Variants in ZFPM1 observed in about 807,000 individuals in gnomAD.
ZFPM1 encodes the protein zinc finger protein ZFPM1.
Under a neutral mutation model 46.3 loss-of-function variants are expected in ZFPM1, and 28 were observed. The ratio of observed to expected loss-of-function variants is 0.60; its 90% CI spans 0.45 to 0.83. The LOEUF (loss-of-function observed/expected upper bound fraction) is 0.83, where lower values mean the gene tolerates loss of function less well. Among genes scored for constraint, ZFPM1 ranks in the 40% least tolerant of loss-of-function variants. The probability of loss-of-function intolerance (pLI) is 0.00; values close to 1 mark genes in which losing one functional copy is unlikely to be tolerated. For synonymous variants in ZFPM1, 957 were observed against 675.9 expected, an observed-to-expected ratio of 1.42 and a Z score of -6.45; for missense variants, 1,878 against 1,432.4, an observed-to-expected ratio of 1.31 and a Z score of -5.02.
intron 1 of ZFPM1, among the ~76,000 whole-genome samples, chr16:88,468,254 C>T (rs553495276): frequency 3.3e-5 from 5 of 150,582 alleles, no homozygotes; most frequent in South Asian, 2.1e-4. Context: ...ACCGTCCCGA[C>T]GCACCCGCGA....
chr16:88,512,697 G>A (rs1013982687), intron 3 of ZFPM1, among the ~76,000 whole-genome samples: 1 of 152,196 alleles, frequency 6.6e-6, no homozygotes, highest in African/African-American at 2.4e-5. Context: ...AGGCTCACTT[G>A]ATGGTGGCAC....
At chr16:88,505,126 GC>G (rs1395474780) in intron 3 of ZFPM1, among the ~76,000 whole-genome samples, 2 of 152,240 alleles carry the variant, frequency 1.3e-5, no homozygotes, top group Non-Finnish European at 2.9e-5. Context: ...GCGGGGCGAG[GC>G]TGGGGGCTGC....
At chr16:88,458,247 C>T (rs1273372506) in intron 1 of ZFPM1, among the ~76,000 whole-genome samples, 1 of 152,228 alleles carries the variant, frequency 6.6e-6, no homozygotes, top group African/African-American at 2.4e-5. Flanking sequence ...CTCTCTCAGC[C>T]TCAGTCTCCA....
At chr16:88,501,555 G>A (rs1432072158) in intron 3 of ZFPM1, among the ~76,000 whole-genome samples, 9 of 144,390 alleles carry the variant, frequency 6.2e-5, no homozygotes, top group Non-Finnish European at 1.1e-4. Context: ...TCCCGCAGGT[G>A]CTGGTGATGA....
chr16:88,502,216 G>C (rs1315684036), intron 3 of ZFPM1, among the ~76,000 whole-genome samples: 1 of 152,108 alleles, frequency 6.6e-6, no homozygotes. Context: ...ATGGGACAAA[G>C]GGGCCGCCAT....
chr16:88,526,018 G>C (rs892845362), intron 4 of ZFPM1, among the ~76,000 whole-genome samples: 2 of 152,240 alleles, frequency 1.3e-5, no homozygotes, highest in African/African-American at 4.8e-5. Context: ...CCATGAGATG[G>C]AGAGGAGGGT....
chr16:88,485,332 C>T (rs750949105), intron 1 of ZFPM1, among the ~76,000 whole-genome samples: 8 of 152,064 alleles, frequency 5.3e-5, no homozygotes, highest in Admixed American at 2.6e-4. Context: ...GAGTGGAATC[C>T]GTGGGCGTGG....
chr16:88,452,755 G>T (rs1359287643), upstream of ZFPM1, among the ~76,000 whole-genome samples: 3 of 152,240 alleles, frequency 2.0e-5, no homozygotes, highest in African/African-American at 4.8e-5. Flanking sequence ...CAGTGCGGGG[G>T]CGGAGCCTCG....
At position 88,497,787 on chromosome 16, in the gene ZFPM1, G is replaced by A. The variant is rs1341382254; in HGVS notation, c.268+8634G>A. On this transcript the variant is annotated intron_variant, in intron 3 of 9. Coordinates refer to ENST00000319555, the MANE Select transcript of ZFPM1 (RefSeq NM_153813.3). The surrounding 1 kb of genome is among the most constrained non-coding windows in gnomAD (Gnocchi z 5.4). ...CAGGGTCCCGACAGGGCCCGCCCGA[G>A]GCTGGGAATCCTCACCCGAGTGTGT... Among the ~76,000 whole-genome samples, 1 of 152,168 alleles carries A rather than the reference G, an allele frequency of 6.6e-6. No homozygotes were observed. The highest frequency in any genetic ancestry group is 2.4e-5 in the African/African-American group (1 of 41,428).
Position 88,497,663 on chromosome 16 carries a change from G to A in ZFPM1, c.268+8510G>A, listed in dbSNP as rs906124393. ...GGGTGTTCGTGCCGTGAGCGATCCG[G>A]TCCAGCATCCCGGCGCTGGGAGCCG... On this transcript the variant is annotated intron_variant, in intron 3 of 9. Coordinates refer to ENST00000319555, the MANE Select transcript of ZFPM1 (RefSeq NM_153813.3). This position sits in a 1 kb window ranked among gnomAD's most constrained non-coding sequence, Gnocchi z 5.4. Among the ~76,000 whole-genome samples, 5 of 152,134 alleles carry A rather than the reference G, an allele frequency of 3.3e-5. No homozygotes were observed. The highest frequency in any genetic ancestry group is 7.4e-5 in the Non-Finnish European group (5 of 68,002).
At chr16:88,488,081 G>T (rs1391013358) in intron 2 of ZFPM1, among the ~76,000 whole-genome samples, 19 of 152,208 alleles carry the variant, frequency 1.2e-4, no homozygotes, top group Admixed American at 1.2e-3. Context: ...TTGGTGGCTG[G>T]GGGGAGAGAG....
intron 6 of ZFPM1, among the ~76,000 whole-genome samples, chr16:88,530,173 C>G (rs1279373806): frequency 6.6e-6 from 1 of 152,124 alleles, no homozygotes; most frequent in Admixed American, 6.5e-5. Flanking sequence ...CCGGGAGACC[C>G]AACTCCAGGG....
At chr16:88,459,611 CT>C (rs1247707407) in intron 1 of ZFPM1, among the ~76,000 whole-genome samples, 1 of 121,996 alleles carries the variant, frequency 8.2e-6, no homozygotes, top group African/African-American at 3.1e-5. Flanking sequence ...TCTCCTCCCC[CT>C]CCTCTCCCTC....
intron 1 of ZFPM1, among the ~76,000 whole-genome samples, chr16:88,454,906 C>A (rs1293353930): frequency 6.6e-6 from 1 of 152,182 alleles, no homozygotes; most frequent in Non-Finnish European, 1.5e-5. Flanking sequence ...ACCCCTTGTG[C>A]GGGGCCTGTG....
At chr16:88,512,611 C>T (rs1167434187) in intron 3 of ZFPM1, among the ~76,000 whole-genome samples, 2 of 151,998 alleles carry the variant, frequency 1.3e-5, no homozygotes, top group Non-Finnish European at 2.9e-5. Flanking sequence ...CCACGAAGCT[C>T]CAAGCGTTTC....
chr16:88,494,547 G>T (rs1008737833), intron 3 of ZFPM1, among the ~76,000 whole-genome samples: 15 of 152,216 alleles, frequency 9.9e-5, no homozygotes, highest in African/African-American at 3.6e-4. Context: ...GGAAGCGAGG[G>T]GGAAACAGGG....
chr16:88,520,584 G>T (rs1413991633), intron 4 of ZFPM1, among the ~76,000 whole-genome samples: 1 of 141,402 alleles, frequency 7.1e-6, no homozygotes, highest in Non-Finnish European at 1.6e-5. Context: ...ATGGATGGAT[G>T]GATGGGAGGG....
chr16:88,531,121 G>T (rs896852184), intron 6 of ZFPM1: 1 of 152,228 alleles, frequency 6.6e-6, no homozygotes, highest in Non-Finnish European at 1.5e-5. Flanking sequence ...AGTGGAACGG[G>T]CTTGAAAGCC....
At chr16:88,531,107 T>G (rs1369638484) in intron 6 of ZFPM1, 1 of 152,186 alleles carries the variant, frequency 6.6e-6, no homozygotes, top group Non-Finnish European at 1.5e-5. Flanking sequence ...CACATCAGTC[T>G]CTAAGTGGAA....
Sources: allele counts gnomAD v4.1 joint callset (sites outside exome capture counted in the v4.1 genomes callset), GRCh38; gene constraint gnomAD v4.1.1; non-coding constraint Gnocchi (gnomAD v3.1); transcripts MANE v1.5; gene names NCBI Gene and HGNC (gene_info 2026-07-23, HGNC 2026-07-21).